KALRN: variants seen among roughly 807,000 people sequenced by gnomAD.
KALRN encodes kalirin.
In KALRN, 70 loss-of-function variants were observed where a neutral mutation model predicts 353.7. The ratio of observed to expected loss-of-function variants is 0.20; its 90% CI spans 0.16 to 0.24. The LOEUF is 0.24. KALRN is among the 10% of genes least tolerant of loss of function. The probability of loss-of-function intolerance (pLI) is 1.00; values close to 1 mark genes in which losing one functional copy is unlikely to be tolerated. For missense variants in KALRN, 2,791 were observed against 3,756.7 expected (o/e 0.74, Z 6.72); for synonymous variants, 1,391 against 1,434.8 (o/e 0.97, Z 0.69).
At chr3:124,410,720 C>A (rs1253732702) in intron 13 of KALRN, among the ~76,000 whole-genome samples, 1 of 152,014 alleles carries the variant, frequency 6.6e-6, no homozygotes, top group East Asian at 1.9e-4. Context: ...TGTAGAGCAA[C>A]CGGAACTTGA....
intron 10 of KALRN, among the ~76,000 whole-genome samples, chr3:124,367,534 G>T (rs1375912114): frequency 1.0e-5 from 1 of 96,224 alleles, no homozygotes; most frequent in Admixed American, 9.1e-5. Flanking sequence ...CCTCCCTCCC[G>T]GACGGGGCGG....
intron 33 of KALRN, among the ~76,000 whole-genome samples, chr3:124,530,197 G>A (rs2067924810): frequency 6.6e-6 from 1 of 152,128 alleles, no homozygotes; most frequent in Admixed American, 6.5e-5. Flanking sequence ...ACATAAAAGG[G>A]ATAGAAAATA....
chr3:124,503,629 G>A (rs2064869749), intron 33 of KALRN, among the ~76,000 whole-genome samples: 1 of 152,142 alleles, frequency 6.6e-6, no homozygotes, highest in Non-Finnish European at 1.5e-5. Context: ...TATGCCTGCA[G>A]CTCCCCACCT....
Position 124,702,090 on chromosome 3 carries a change from T to A in KALRN, c.8049T>A (p.Ala2683=). 6.2e-7 allele frequency: 1 copy of A among 1,613,428 alleles called. No homozygotes were observed. Among genetic ancestry groups the A allele is most frequent in the African/African-American group, 1.3e-5 (1 of 75,048 alleles). ...CTTGGAAGGAAAATTTTGACTCAGC[T>A]TACACTGAGCTGAATGAAATTGGAA... ...TISWKENFDS[A]YTELNEIGRG... Residue 2683 remains alanine, a synonymous_variant, in exon 57 of 60, where the codon GCT becomes GCA. Coordinates refer to ENST00000682506, the MANE Select transcript of KALRN (RefSeq NM_001388419.1).
At chr3:124,380,158 G>T (rs2087144566) in intron 10 of KALRN, among the ~76,000 whole-genome samples, 1 of 152,146 alleles carries the variant, frequency 6.6e-6, no homozygotes, top group Admixed American at 6.5e-5. Context: ...TGATTCTAGA[G>T]TGTTTTTATT....
At chr3:124,123,542 A>G (rs1402091014) in intron 1 of KALRN, among the ~76,000 whole-genome samples, 1 of 152,250 alleles carries the variant, frequency 6.6e-6, no homozygotes, top group East Asian at 1.9e-4. Flanking sequence ...TCTTTACAAC[A>G]TAAAAATGCA....
intron 27 of KALRN, among the ~76,000 whole-genome samples, chr3:124,480,895 T>C (rs769213219): frequency 5.3e-5 from 8 of 152,254 alleles, no homozygotes; most frequent in Non-Finnish European, 1.0e-4. Context: ...TCATTTCTTT[T>C]TATGTCCAAA....
chr3:124,434,441 C>T lies in KALRN; in HGVS notation c.2964C>T (p.Leu988=), dbSNP rs548099484. 194 of 1,614,234 alleles carry T rather than the reference C, an allele frequency of 1.2e-4. 1 individual carries two copies. The South Asian group carries it at 1.4e-3, about 12-fold the overall frequency. The change falls in exon 17 of 60, where the codon CTC becomes CTT. Residue 988 remains leucine, a synonymous_variant. Coordinates refer to ENST00000682506, the MANE Select transcript of KALRN (RefSeq NM_001388419.1). ...AIRECAEKVA[L]HWQQLMLKME... Reference sequence around the variant, plus strand: ...GGGAATGTGCTGAGAAGGTGGCCCTCCACTGGCAGCAGCTCATGCTGAAGA... The same window carrying T: ...GGGAATGTGCTGAGAAGGTGGCCCTTCACTGGCAGCAGCTCATGCTGAAGA...
At chr3:124,371,365 G>A (rs971934719) in intron 10 of KALRN, among the ~76,000 whole-genome samples, 1 of 152,092 alleles carries the variant, frequency 6.6e-6, no homozygotes, top group Admixed American at 6.5e-5. Context: ...TTCATATCTC[G>A]ACTACTGTGA....
At chr3:124,641,448 G>C (rs975313958) in intron 37 of KALRN, among the ~76,000 whole-genome samples, 1 of 152,202 alleles carries the variant, frequency 6.6e-6, no homozygotes, top group African/African-American at 2.4e-5. Context: ...TTTTCTAGAC[G>C]TGTGGACTGT....
intron 1 of KALRN, among the ~76,000 whole-genome samples, chr3:124,146,884 A>AAAAC (rs1345025221): frequency 6.6e-6 from 1 of 150,624 alleles, no homozygotes. Context: ...CAAAAAAAAA[A>AAAAC]AAAAAAAAAA....
chr3:124,652,636 G>T (rs1167182061), intron 38 of KALRN, among the ~76,000 whole-genome samples: 2 of 152,052 alleles, frequency 1.3e-5, no homozygotes, highest in African/African-American at 4.8e-5. Flanking sequence ...GAGTGCAGTG[G>T]CACTATCTCG....
chr3:124,101,499 A>G lies in KALRN; in HGVS notation c.73+67686A>G, dbSNP rs77750776. Among the ~76,000 whole-genome samples, 333 of 152,212 alleles carry G rather than the reference A, an allele frequency of 2.2e-3. 5 individuals are homozygous for G. The East Asian group carries it at 0.053, about 24-fold the overall frequency. ...CAGGAATCTACTTGGGTTTGTCACTAAAGTTCACCTCTCCCTGTCTGGCCA... is the reference window on the plus strand; with the variant it reads ...CAGGAATCTACTTGGGTTTGTCACTGAAGTTCACCTCTCCCTGTCTGGCCA... On this transcript the variant is annotated intron_variant, in intron 1 of 59. Coordinates refer to ENST00000682506, the MANE Select transcript of KALRN (RefSeq NM_001388419.1).
intron 38 of KALRN, among the ~76,000 whole-genome samples, chr3:124,651,689 G>C (rs1423824357): frequency 7.0e-6 from 1 of 142,640 alleles, no homozygotes; most frequent in Non-Finnish European, 1.5e-5. Flanking sequence ...CCAGACTAAA[G>C]TACAGTGGTA....
At chr3:124,219,146 T>C (rs2077629061) in intron 1 of KALRN, among the ~76,000 whole-genome samples, 1 of 152,190 alleles carries the variant, frequency 6.6e-6, no homozygotes, top group Non-Finnish European at 1.5e-5. Context: ...TGCCTCTGGG[T>C]CACCCATTAA....
chr3:124,038,740 A>G (rs2039658186), intron 1 of KALRN, among the ~76,000 whole-genome samples: 2 of 152,202 alleles, frequency 1.3e-5, no homozygotes, highest in South Asian at 2.1e-4. Flanking sequence ...GCTTCAGCCA[A>G]TCTCAGACTC....
At chr3:124,463,204 C>T (rs567989729) in intron 25 of KALRN, among the ~76,000 whole-genome samples, 12 of 152,308 alleles carry the variant, frequency 7.9e-5, no homozygotes, top group African/African-American at 2.9e-4. Flanking sequence ...ACAGCATGTT[C>T]CATGGTTAAC....
chr3:124,717,512 C>A (rs897398173), intron 59 of KALRN, 127 bp downstream of exon 59: 1 of 526,250 alleles, frequency 1.9e-6, no homozygotes, highest in Non-Finnish European at 3.1e-6. Context: ...CGGTGAAACC[C>A]CGTCTCTACT....
intron 34 of KALRN, among the ~76,000 whole-genome samples, chr3:124,614,009 T>C (rs1422450410): frequency 3.3e-5 from 5 of 152,186 alleles, no homozygotes; most frequent in African/African-American, 1.2e-4. Flanking sequence ...CAGTGACAAT[T>C]TGAGATCTAT....
Sources: gnomAD v4.1 joint callset for allele counts (sites outside exome capture counted in the v4.1 genomes callset) on GRCh38, gnomAD v4.1.1 for gene constraint, MANE v1.5 for transcripts, NCBI Gene and HGNC (gene_info 2026-07-23, HGNC 2026-07-21) for gene names.